Variants in SFI1 observed in about 807,000 individuals in gnomAD.
The protein encoded by SFI1 is SFI1 centrin binding protein.
In SFI1, 195 loss-of-function variants were observed where a neutral mutation model predicts 207.5. The observed-to-expected ratio is 0.94, with a 90% CI of 0.84 to 1.06. The LOEUF is 1.06. Among genes scored for constraint, SFI1 ranks in the 50% least tolerant of loss-of-function variants. SFI1 has a pLI of 0.00. For synonymous variants in SFI1, 630 were observed against 598.9 expected, an observed-to-expected ratio of 1.05 and a Z score of -0.76; for missense variants, 1,634 against 1,588.0, an observed-to-expected ratio of 1.03 and a Z score of -0.49.
intron 8 of SFI1, among the ~76,000 whole-genome samples, chr22:31,564,556 G>A (rs1240443408): frequency 6.6e-6 from 1 of 152,072 alleles, no homozygotes; most frequent in Admixed American, 6.6e-5. Context: ...CCAGTCTGGA[G>A]TGCAGTGGTA....
At chr22:31,576,800 C>T (rs1031136823) in intron 10 of SFI1, among the ~76,000 whole-genome samples, 12 of 152,104 alleles carry the variant, frequency 7.9e-5, no homozygotes, top group African/African-American at 2.4e-4. Flanking sequence ...CCACCATGTC[C>T]GGCTAATTTT....
At chr22:31,504,826 A>G (rs1204453164) in intron 1 of SFI1, among the ~76,000 whole-genome samples, 1 of 152,098 alleles carries the variant, frequency 6.6e-6, no homozygotes, top group Non-Finnish European at 1.5e-5. Flanking sequence ...CTTTATGTGT[A>G]TCTGTCCCTG....
At chr22:31,576,051 C>T (rs1175861516) in intron 10 of SFI1, among the ~76,000 whole-genome samples, 1 of 148,268 alleles carries the variant, frequency 6.7e-6, no homozygotes, top group Admixed American at 6.8e-5. Context: ...TTGAGATGGA[C>T]TCTTGCTCTG....
At chr22:31,611,741 T>G in intron 23 of SFI1, 25 bp from the exon 24 acceptor site, 1 of 1,609,282 alleles carries the variant, frequency 6.2e-7, no homozygotes, top group South Asian at 1.1e-5. Context: ...AGGACGCCAC[T>G]CTCTGTGCAC....
intron 2 of SFI1, among the ~76,000 whole-genome samples, chr22:31,509,986 T>G (rs1435433419): frequency 6.6e-6 from 1 of 152,022 alleles, no homozygotes; most frequent in African/African-American, 2.4e-5. Flanking sequence ...AGTGGTACAG[T>G]CTCGGCTCAC....
chr22:31,610,093 A>G (rs892654494), intron 22 of SFI1, among the ~76,000 whole-genome samples: 1 of 152,226 alleles, frequency 6.6e-6, no homozygotes, highest in Non-Finnish European at 1.5e-5. Context: ...GGTACACAGT[A>G]AATACCTGGG....
chr22:31,568,370 T>C (rs1342876909), intron 8 of SFI1, among the ~76,000 whole-genome samples: 1 of 149,668 alleles, frequency 6.7e-6, no homozygotes, highest in African/African-American at 2.5e-5. Context: ...CTACTAAACA[T>C]ACAAAAAAAT....
At chr22:31,569,683 G>C (rs902652313) in intron 8 of SFI1, among the ~76,000 whole-genome samples, 1 of 152,240 alleles carries the variant, frequency 6.6e-6, no homozygotes, top group African/African-American at 2.4e-5. Flanking sequence ...CGTGGTGGCA[G>C]ATGTCTGTAA....
intron 10 of SFI1, among the ~76,000 whole-genome samples, chr22:31,576,669 C>T (rs566233181): frequency 1.4e-5 from 2 of 147,060 alleles, no homozygotes; most frequent in African/African-American, 2.5e-5. Flanking sequence ...GATGGAGTTT[C>T]GCTCTTGTAG....
At chr22:31,546,003 C>T (rs1026901745) in intron 4 of SFI1, among the ~76,000 whole-genome samples, 7 of 151,668 alleles carry the variant, frequency 4.6e-5, no homozygotes, top group Admixed American at 3.3e-4. Context: ...AGCGATCCTC[C>T]CACCTCAGCC....
intron 1 of SFI1, among the ~76,000 whole-genome samples, chr22:31,498,634 G>A (rs1211096717): frequency 6.9e-6 from 1 of 144,108 alleles, no homozygotes; most frequent in Non-Finnish European, 1.5e-5. Context: ...CTGGGCGACA[G>A]AGCAAGACTC....
At chr22:31,527,194 G>T (rs1309521818) in intron 2 of SFI1, among the ~76,000 whole-genome samples, 1 of 152,158 alleles carries the variant, frequency 6.6e-6, no homozygotes, top group African/African-American at 2.4e-5. Flanking sequence ...ACTGTACCTG[G>T]CTGAGAACCT....
chr22:31,515,098 G>A (rs1429432812), intron 2 of SFI1, among the ~76,000 whole-genome samples: 1 of 151,656 alleles, frequency 6.6e-6, no homozygotes, highest in East Asian at 1.9e-4. Flanking sequence ...AAGTTCCCAA[G>A]TGATGGTTAT....
At chr22:31,528,357 G>T (rs139562422) in intron 2 of SFI1, among the ~76,000 whole-genome samples, 1 of 151,860 alleles carries the variant, frequency 6.6e-6, no homozygotes, top group Non-Finnish European at 1.5e-5. Flanking sequence ...CTGGGAGGTC[G>T]AGGCTGCAGT....
intron 11 of SFI1, among the ~76,000 whole-genome samples, chr22:31,578,726 G>A (rs530952582): frequency 5.3e-5 from 8 of 152,164 alleles, no homozygotes; most frequent in Non-Finnish European, 7.4e-5. Context: ...TTTGAGTGGC[G>A]GAAGCCTCAC....
chr22:31,596,689 CAGG>C (rs2067164659), intron 15 of SFI1, among the ~76,000 whole-genome samples: 1 of 148,976 alleles, frequency 6.7e-6, no homozygotes, highest in Admixed American at 6.9e-5. Flanking sequence ...GAGGCTGAGG[CAGG>C]AGAATCGCTT....
At chr22:31,543,197 C>G (rs970530009) in intron 4 of SFI1, among the ~76,000 whole-genome samples, 4 of 149,726 alleles carry the variant, frequency 2.7e-5, no homozygotes, top group African/African-American at 9.9e-5. Context: ...GTCTCGATCT[C>G]CTGACCTCAT....
At chr22:31,599,663 A>G (rs2067791779) in intron 15 of SFI1, among the ~76,000 whole-genome samples, 1 of 151,102 alleles carries the variant, frequency 6.6e-6, no homozygotes, top group African/African-American at 2.4e-5. Context: ...TTTTGTAGAA[A>G]AAGGGTCTCA....
rs539670915 is a variant in SFI1, at chr22:31,618,410, C to G, written c.3721C>G (p.Leu1241Val). The change falls in exon 33 of 33, where the codon CTG (leucine) becomes GTG (valine). Residue 1241 changes from leucine to valine, a missense_variant. By Grantham distance (32) the Leu-to-Val change is conservative. Transcript: ENST00000400288. ...CCGCATCCAGGCCCTGCGGCAGGCC[C>G]TGTGCTAGCGTGTTCGCACCAGGAA... ...VARIQALRQA[L>V]C 10 of 1,590,024 alleles carry G rather than the reference C, an allele frequency of 6.3e-6. No homozygotes were observed. In the African/African-American group the frequency reaches 1.1e-4, roughly 17 times the overall value.
Sources: allele counts gnomAD v4.1 joint callset (sites outside exome capture counted in the v4.1 genomes callset), GRCh38; gene constraint gnomAD v4.1.1; transcripts MANE v1.5; gene names NCBI Gene and HGNC (gene_info 2026-07-23, HGNC 2026-07-21).